Variants in ANKS1B observed in about 807,000 individuals in gnomAD.
ANKS1B encodes the protein ankyrin repeat and sterile alpha motif domain-containing protein 1B.
Under a neutral mutation model 148.3 loss-of-function variants are expected in ANKS1B, and 36 were observed. That is an observed-to-expected ratio of 0.24 (90% CI 0.19 to 0.32). The LOEUF (loss-of-function observed/expected upper bound fraction) is 0.32. Among genes scored for constraint, ANKS1B ranks in the 10% least tolerant of loss-of-function variants. The pLI is 1.00. For synonymous variants in ANKS1B, 542 were observed against 560.8 expected, an observed-to-expected ratio of 0.97 and a Z score of 0.47; for missense variants, 1,157 against 1,542.6, an observed-to-expected ratio of 0.75 and a Z score of 4.19.
intron 17 of ANKS1B, among the ~76,000 whole-genome samples, chr12:98,866,088 C>T (rs2099623196): frequency 6.6e-6 from 1 of 152,110 alleles, no homozygotes; most frequent in Non-Finnish European, 1.5e-5. Flanking sequence ...CCTCCTAATA[C>T]CATCACTTTA....
At chr12:99,584,913 G>A (rs1003295569) in intron 9 of ANKS1B, among the ~76,000 whole-genome samples, 28 of 151,998 alleles carry the variant, frequency 1.8e-4, no homozygotes, top group African/African-American at 6.0e-4. Flanking sequence ...GGGATTATGG[G>A]AGCTACAATT....
At chr12:98,794,794 C>G (rs973952718) in intron 22 of ANKS1B, 1 of 1,469,930 alleles carries the variant, frequency 6.8e-7, no homozygotes, top group Non-Finnish European at 9.4e-7. Flanking sequence ...AACAGAAACA[C>G]GAAGCTTAAT....
chr12:98,956,845 C>T (rs1304203678), intron 17 of ANKS1B, among the ~76,000 whole-genome samples: 2 of 152,128 alleles, frequency 1.3e-5, no homozygotes, highest in African/African-American at 4.8e-5. Context: ...CCTTTGCTCT[C>T]TGAACCCCCT....
chr12:98,964,824 G>A (rs1278876005), intron 17 of ANKS1B, among the ~76,000 whole-genome samples: 1 of 152,120 alleles, frequency 6.6e-6, no homozygotes, highest in African/African-American at 2.4e-5. Context: ...TATTGAGGGT[G>A]CGGGGAAGGG....
chr12:99,147,493 G>T lies in ANKS1B; in HGVS notation c.2526+6796C>A, dbSNP rs77714699. Among the ~76,000 whole-genome samples the T allele has an allele frequency of 3.1e-3, 474 of 152,236 alleles. 3 individuals are homozygous for T. Among genetic ancestry groups the T allele is most frequent in the African/African-American group, 0.01 (427 of 41,560 alleles). On this transcript the variant is annotated intron_variant, in intron 15 of 26. Coordinates refer to ENST00000683438, the MANE Select transcript of ANKS1B (RefSeq NM_001352186.2). ...AAATGCCCTATAATCTCTCCCATAG[G>T]TAACTGAGAACCTTTGAAGGATTTT... is the stretch of plus-strand genomic sequence containing the variant.
intron 1 of ANKS1B, among the ~76,000 whole-genome samples, chr12:99,884,991 T>C (rs1216709067): frequency 6.6e-6 from 1 of 152,012 alleles, no homozygotes; most frequent in African/African-American, 2.4e-5. Context: ...TTTAATGTGA[T>C]CTTAGACAAA....
chr12:99,548,797 T>C (rs2097193071), intron 9 of ANKS1B, among the ~76,000 whole-genome samples: 1 of 152,218 alleles, frequency 6.6e-6, no homozygotes, highest in Admixed American at 6.5e-5. Context: ...TATTAGCTCC[T>C]ATATATCTTA....
At chr12:98,858,375 G>A (rs559324554) in intron 17 of ANKS1B, among the ~76,000 whole-genome samples, 1 of 152,322 alleles carries the variant, frequency 6.6e-6, no homozygotes, top group South Asian at 2.1e-4. Context: ...ACAGTGTCTT[G>A]CTCTGTCAGC....
intron 12 of ANKS1B, among the ~76,000 whole-genome samples, chr12:99,357,797 T>TGCTAAATTACATTTCAGAAAAGTATCAAC (rs2092143425): frequency 6.6e-6 from 1 of 152,160 alleles, no homozygotes; most frequent in Non-Finnish European, 1.5e-5. Flanking sequence ...TCTTGATACT[T>TGCTAAATTACATTTCAGAAAAGTATCAAC]GCTAAATTAC....
At chr12:99,502,714 G>C (rs570522882) in intron 10 of ANKS1B, among the ~76,000 whole-genome samples, 6 of 152,206 alleles carry the variant, frequency 3.9e-5, no homozygotes, top group African/African-American at 1.2e-4. Context: ...AGCATTGTAA[G>C]AATCATATGG....
At position 99,978,269 on chromosome 12, in the gene ANKS1B, G is replaced by A. The variant is rs1250254244; in HGVS notation, c.134+5835C>T. Among the ~76,000 whole-genome samples, 6 of 152,192 alleles carry A rather than the reference G, an allele frequency of 3.9e-5. No individual in the cohort carries two copies. In the East Asian group the frequency reaches 1.2e-3, roughly 29 times the overall value. The stretch of plus-strand genomic sequence containing the variant: ...CGAGTCACACAAGAAACTGTGCAAT[G>A]GATGGACAGGTTGAGTAGTAGTCAC... On this transcript the variant is annotated intron_variant, in intron 1 of 26. Transcript: ENST00000683438.
chr12:99,110,289 A>G (rs1349466521), intron 15 of ANKS1B, among the ~76,000 whole-genome samples: 1 of 152,198 alleles, frequency 6.6e-6, no homozygotes, highest in Admixed American at 6.6e-5. Context: ...CTATCAGCCC[A>G]CGGTAAAATA....
At chr12:99,016,658 TCAAA>T (rs938791777) in intron 17 of ANKS1B, among the ~76,000 whole-genome samples, 33 of 152,008 alleles carry the variant, frequency 2.2e-4, no homozygotes, top group East Asian at 1.5e-3. Flanking sequence ...TTTCCCTCTC[TCAAA>T]CAAACAAACA....
chr12:99,935,357 C>CCA (rs369788265), intron 1 of ANKS1B, among the ~76,000 whole-genome samples: 10 of 130,238 alleles, frequency 7.7e-5, no homozygotes, highest in African/African-American at 2.6e-4. Context: ...AGATGCCTGA[C>CCA]AAAAAAAAAA....
intron 9 of ANKS1B, among the ~76,000 whole-genome samples, chr12:99,625,897 AT>A (rs1207088625): frequency 2.6e-5 from 4 of 152,098 alleles, no homozygotes; most frequent in African/African-American, 9.7e-5. Context: ...TGGCTGAGGT[AT>A]AATAGGATTA....
chr12:99,509,023 G>T lies in ANKS1B; in HGVS notation c.1273-4382C>A, dbSNP rs2096738273. Among the ~76,000 whole-genome samples, 6 of 151,574 alleles carry T rather than the reference G, an allele frequency of 4.0e-5. No homozygotes were observed. In the South Asian group the frequency reaches 1.3e-3, roughly 32 times the overall value. On this transcript the variant is annotated intron_variant, in intron 9 of 26. Coordinates refer to ENST00000683438, the MANE Select transcript of ANKS1B (RefSeq NM_001352186.2). ...TTTCATTATTATTATATCTGTTATG[G>T]CCATCTGTGATCAGTGAGCTTTGAT... is the stretch of plus-strand genomic sequence containing the variant.
At chr12:99,521,101 T>A (rs925269308) in intron 9 of ANKS1B, among the ~76,000 whole-genome samples, 1 of 152,158 alleles carries the variant, frequency 6.6e-6, no homozygotes, top group Admixed American at 6.5e-5. Flanking sequence ...GGTCTGACTG[T>A]GTATTTTTAA....
intron 16 of ANKS1B, among the ~76,000 whole-genome samples, chr12:99,070,954 C>T (rs2046084369): frequency 6.6e-6 from 1 of 152,214 alleles, no homozygotes; most frequent in African/African-American, 2.4e-5. Flanking sequence ...CATAAGCCAA[C>T]ACGCCCAGCC....
At chr12:99,205,477 C>G (rs2153903161) in intron 14 of ANKS1B, among the ~76,000 whole-genome samples, 1 of 152,208 alleles carries the variant, frequency 6.6e-6, no homozygotes, top group East Asian at 1.9e-4. Context: ...TTCTGGCAAC[C>G]AACAAAGGGA....
Sources: gnomAD v4.1 joint callset for allele counts (sites outside exome capture counted in the v4.1 genomes callset) on GRCh38, gnomAD v4.1.1 for gene constraint, MANE v1.5 for transcripts, NCBI Gene and HGNC (gene_info 2026-07-23, HGNC 2026-07-21) for gene names.